PRKG1: variants seen among roughly 807,000 people sequenced by gnomAD.
The protein encoded by PRKG1 is protein kinase cGMP-dependent 1.
In PRKG1, 35 loss-of-function variants were observed where a neutral mutation model predicts 88.1. The ratio of observed to expected loss-of-function variants is 0.40; its 90% CI spans 0.30 to 0.53. PRKG1 has a LOEUF of 0.53. Among genes scored for constraint, PRKG1 ranks in the 20% least tolerant of loss-of-function variants. The probability of loss-of-function intolerance (pLI) is 0.59; values close to 1 mark genes in which losing one functional copy is unlikely to be tolerated. For synonymous variants in PRKG1, 303 were observed against 292.5 expected (o/e 1.04, Z -0.37); for missense variants, 540 against 839.8 (o/e 0.64, Z 4.41).
chr10:52,220,684 C>T (rs1292952755), intron 9 of PRKG1, among the ~76,000 whole-genome samples: 2 of 152,058 alleles, frequency 1.3e-5, no homozygotes, highest in Non-Finnish European at 2.9e-5. Flanking sequence ...CTTTCTGTTT[C>T]TGTGTGAGTT....
chr10:52,143,861 AT>A (rs1351112336), intron 8 of PRKG1, among the ~76,000 whole-genome samples: 1 of 152,190 alleles, frequency 6.6e-6, no homozygotes, highest in African/African-American at 2.4e-5. Flanking sequence ...ATCCATACAG[AT>A]TCCAAACCAA....
intron 1 of PRKG1, among the ~76,000 whole-genome samples, chr10:51,065,761 T>A (rs886144494): frequency 1.4e-4 from 21 of 152,280 alleles, no homozygotes; most frequent in Admixed American, 8.5e-4. Flanking sequence ...CTGTTCTAGG[T>A]GTTGATGAAC....
chr10:51,162,498 G>A (rs1179045362), intron 2 of PRKG1, among the ~76,000 whole-genome samples: 4 of 152,152 alleles, frequency 2.6e-5, no homozygotes, highest in African/African-American at 7.2e-5. Context: ...GGTGGATGAC[G>A]TAAAATGGTA....
rs537336424 is a variant in PRKG1, at chr10:52,291,938, C to T, written c.1962+1648C>T. Among the ~76,000 whole-genome samples the T allele has an allele frequency of 6.0e-4, 91 of 152,180 alleles. 1 individual carries two copies. The South Asian group carries it at 0.016, about 26-fold the overall frequency. On this transcript the variant is annotated intron_variant, in intron 17 of 17. Coordinates refer to ENST00000373980, the MANE Select transcript of PRKG1 (RefSeq NM_006258.4). ...TGTTGTTTCCTGACTTTTTAATGAT[C>T]GCCATTCTAACTGGTGTGAGATGGT...
intron 3 of PRKG1, among the ~76,000 whole-genome samples, chr10:51,536,684 T>C (rs1842158862): frequency 6.6e-6 from 1 of 152,060 alleles, no homozygotes; most frequent in African/African-American, 2.4e-5. Flanking sequence ...AGTTTTAGGG[T>C]ACATGTGCAC....
chr10:51,432,049 G>GACACATGTACCAAA (rs1195258492), intron 2 of PRKG1, among the ~76,000 whole-genome samples: 3 of 152,088 alleles, frequency 2.0e-5, no homozygotes, highest in Non-Finnish European at 2.9e-5. Context: ...ATAGAGCCTT[G>GACACATGTACCAAA]ACACATGTAC....
At chr10:52,061,516 A>C (rs1846234995) in intron 6 of PRKG1, among the ~76,000 whole-genome samples, 1 of 152,034 alleles carries the variant, frequency 6.6e-6, no homozygotes, top group South Asian at 2.1e-4. Context: ...CAAAGGTACA[A>C]GTTACTCTAT....
chr10:51,351,447 T>C (rs1018353303), intron 2 of PRKG1, among the ~76,000 whole-genome samples: 1 of 152,224 alleles, frequency 6.6e-6, no homozygotes, highest in African/African-American at 2.4e-5. Flanking sequence ...ATGATCGCCA[T>C]TCTAACTGGT....
At position 52,135,207 on chromosome 10, in the gene PRKG1, G is replaced by A. The variant is rs1033115847; in HGVS notation, c.1001+1302G>A. 5.0e-4 allele frequency among the ~76,000 whole-genome samples: 76 copies of A among 152,020 alleles called. 1 individual carries two copies. Among genetic ancestry groups the A allele is most frequent in the African/African-American group, 1.8e-3 (73 of 41,408 alleles). ...GGGAGGTGTTAAAAAGTGTTAAGTG[G>A]ATGTGGAAGTATAGGAAAAGCAATA... is the stretch of plus-strand genomic sequence containing the variant. On this transcript the variant is annotated intron_variant, in intron 8 of 17. Coordinates refer to ENST00000373980, the MANE Select transcript of PRKG1 (RefSeq NM_006258.4).
chr10:51,446,344 G>C lies in PRKG1; in HGVS notation c.479-21379G>C, dbSNP rs527506453. 2.6e-5 allele frequency among the ~76,000 whole-genome samples: 4 copies of C among 151,750 alleles called. No individual in the cohort carries two copies. The East Asian group carries it at 7.8e-4, about 30-fold the overall frequency. The stretch of plus-strand genomic sequence containing the variant: ...GTTTGCCTAATTTCTTTGGTTGCTG[G>C]GAAGCTCAGAGTGTGTGTTTTTACT... On this transcript the variant is annotated intron_variant, in intron 2 of 17. Coordinates refer to ENST00000373980, the MANE Select transcript of PRKG1 (RefSeq NM_006258.4).
At chr10:51,887,352 T>C (rs1841597476) in intron 4 of PRKG1, among the ~76,000 whole-genome samples, 2 of 152,210 alleles carry the variant, frequency 1.3e-5, no homozygotes, top group South Asian at 4.1e-4. Context: ...ATCTTGGCTG[T>C]AGTCAATAAG....
intron 1 of PRKG1, among the ~76,000 whole-genome samples, chr10:51,018,180 CT>C (rs1456450291): frequency 2.0e-5 from 3 of 151,960 alleles, no homozygotes; most frequent in Non-Finnish European, 2.9e-5. Flanking sequence ...TAGGAGATAC[CT>C]TTTCCAAATG....
chr10:51,982,826 G>A (rs1292475461), intron 5 of PRKG1, among the ~76,000 whole-genome samples: 1 of 152,174 alleles, frequency 6.6e-6, no homozygotes, highest in Non-Finnish European at 1.5e-5. Context: ...CAGTGTAGTG[G>A]GGTGCACACT....
intron 3 of PRKG1, among the ~76,000 whole-genome samples, chr10:51,554,695 G>GA (rs34135913): frequency 0.56 from 83,924 of 150,732 alleles, 23,901 homozygotes; most frequent in East Asian, 0.89. Flanking sequence ...ATTTTAAGGG[G>GA]AAAAAAGTAC....
At chr10:52,034,433 T>C (rs1215323183) in intron 5 of PRKG1, among the ~76,000 whole-genome samples, 2 of 149,516 alleles carry the variant, frequency 1.3e-5, no homozygotes, top group Non-Finnish European at 3.0e-5. Flanking sequence ...GAAACATTTG[T>C]CATATAGAAT....
chr10:51,578,747 G>A (rs942019392), intron 3 of PRKG1, among the ~76,000 whole-genome samples: 1 of 152,038 alleles, frequency 6.6e-6, no homozygotes, highest in African/African-American at 2.4e-5. Context: ...TCTGTTAGAA[G>A]ACACCATGTT....
At chr10:52,158,025 T>C (rs1350970620) in intron 8 of PRKG1, among the ~76,000 whole-genome samples, 1 of 151,712 alleles carries the variant, frequency 6.6e-6, no homozygotes. Context: ...TGTGCATGCA[T>C]AAAGGTTTGC....
intron 2 of PRKG1, among the ~76,000 whole-genome samples, chr10:51,382,966 G>C (rs908909134): frequency 2.6e-5 from 4 of 152,048 alleles, no homozygotes; most frequent in African/African-American, 7.2e-5. Flanking sequence ...CCCACACCTA[G>C]ACCAAACACC....
intron 5 of PRKG1, among the ~76,000 whole-genome samples, chr10:51,943,169 G>A (rs896826870): frequency 2.4e-4 from 37 of 152,060 alleles, no homozygotes; most frequent in East Asian, 1.2e-3. Context: ...GGTCCTTCAC[G>A]TCCCTTGGAA....
Sources: gnomAD v4.1 joint callset for allele counts (sites outside exome capture counted in the v4.1 genomes callset) on GRCh38, gnomAD v4.1.1 for gene constraint, MANE v1.5 for transcripts, NCBI Gene and HGNC (gene_info 2026-07-23, HGNC 2026-07-21) for gene names.